The following SLC6A11 variants were observed in gnomAD, a reference collection of about 807,000 sequenced individuals.
SLC6A11 encodes sodium- and chloride-dependent GABA transporter 3.
In SLC6A11, 25 loss-of-function variants were observed where a neutral mutation model predicts 74.8. The ratio of observed to expected loss-of-function variants is 0.33; its 90% CI spans 0.24 to 0.47. The LOEUF (loss-of-function observed/expected upper bound fraction) is 0.47, where lower values mean the gene tolerates loss of function less well. Ranked by LOEUF, SLC6A11 falls within the 20% of genes least tolerant of loss-of-function variation. The pLI, the probability that SLC6A11 is intolerant of heterozygous loss-of-function variation, is 1.00. For missense variants in SLC6A11, 574 were observed against 837.0 expected, an observed-to-expected ratio of 0.69 and a Z score of 3.88; for synonymous variants, 330 against 330.2, an observed-to-expected ratio of 1.00 and a Z score of 0.01.
chr3:10,881,013 C>T (rs568061114), intron 6 of SLC6A11, among the ~76,000 whole-genome samples: 1 of 152,258 alleles, frequency 6.6e-6, no homozygotes, highest in Admixed American at 6.5e-5. Flanking sequence ...AGAAGTTCTC[C>T]TCCATTCTTA....
At position 10,940,585 on chromosome 3, in the gene SLC6A11, G is replaced by A; in HGVS notation, c.*2183G>A. On this transcript the variant is annotated 3_prime_UTR_variant, in exon 14 of 14. Coordinates refer to ENST00000254488, the MANE Select transcript of SLC6A11 (RefSeq NM_014229.3). ...ATTAGAAACAATACATCCTTTCTGA[G>A]ATATTTACAGTATTATTAAAAAATG... 6.6e-6 allele frequency: 1 copy of A among 152,168 alleles called. No homozygotes were observed. Among genetic ancestry groups the A allele is most frequent in the South Asian group, 2.1e-4 (1 of 4,812 alleles). 9.4% of individuals were successfully genotyped at this position (152,168 alleles called of 1,614,324 possible).
At chr3:10,912,790 G>A (rs1254614378) in intron 7 of SLC6A11, among the ~76,000 whole-genome samples, 4 of 152,152 alleles carry the variant, frequency 2.6e-5, no homozygotes, top group African/African-American at 9.7e-5. Flanking sequence ...TGGAGGGCAG[G>A]GGACCTGCCC....
chr3:10,897,937 G>A (rs1443427555), intron 6 of SLC6A11, among the ~76,000 whole-genome samples: 1 of 152,212 alleles, frequency 6.6e-6, no homozygotes, highest in African/African-American at 2.4e-5. Flanking sequence ...CTGAAATCTA[G>A]GCAGAGGTTC....
intron 5 of SLC6A11, among the ~76,000 whole-genome samples, chr3:10,852,031 A>G (rs1414715604): frequency 2.0e-5 from 3 of 152,258 alleles, no homozygotes; most frequent in African/African-American, 7.2e-5. Flanking sequence ...TGAGGCATAA[A>G]GCAGGAGTAG....
chr3:10,829,022 C>T (rs1174930036), intron 4 of SLC6A11, among the ~76,000 whole-genome samples: 1 of 152,140 alleles, frequency 6.6e-6, no homozygotes. Context: ...AGCTCAGTGT[C>T]CACATCTGTA....
rs139171232 is a variant in SLC6A11 at position 10,863,060 on chromosome 3, C to T, written c.757-11901C>T. Among the ~76,000 whole-genome samples the T allele has an allele frequency of 2.8e-3, 425 of 152,296 alleles. 1 individual carries two copies. The highest frequency in any genetic ancestry group is 9.4e-3 in the African/African-American group (392 of 41,566). ...CCTGTTATGTTCTGTTTGTTCTTAC[C>T]GTGTTATTGAGGTCTGAATTTATTC... On this transcript the variant is annotated intron_variant, in intron 5 of 13. Transcript: ENST00000254488.
chr3:10,870,164 A>G (rs1171426388), intron 5 of SLC6A11, among the ~76,000 whole-genome samples: 1 of 151,892 alleles, frequency 6.6e-6, no homozygotes, highest in East Asian at 1.9e-4. Context: ...CTTCCCGGAG[A>G]CCCTGGAAGC....
intron 6 of SLC6A11, among the ~76,000 whole-genome samples, chr3:10,881,602 C>T (rs1384278366): frequency 6.6e-6 from 1 of 152,190 alleles, no homozygotes; most frequent in Admixed American, 6.5e-5. Flanking sequence ...AGCCTGCCAT[C>T]GTGCTCCAGT....
At chr3:10,886,666 G>A (rs2581213) in intron 6 of SLC6A11, among the ~76,000 whole-genome samples, 28,583 of 152,096 alleles carry the variant, frequency 0.19, 3,374 homozygotes, top group Middle Eastern at 0.29. Flanking sequence ...AATTAGCCAG[G>A]CATGATGGCA....
At chr3:10,920,906 G>T (rs899851834) in intron 8 of SLC6A11, among the ~76,000 whole-genome samples, 2 of 152,156 alleles carry the variant, frequency 1.3e-5, no homozygotes, top group East Asian at 1.9e-4. Flanking sequence ...CCCTCTTTAG[G>T]AGTCTGCCAA....
intron 6 of SLC6A11, among the ~76,000 whole-genome samples, chr3:10,898,096 C>T (rs1309760977): frequency 6.6e-6 from 1 of 152,166 alleles, no homozygotes; most frequent in Non-Finnish European, 1.5e-5. Flanking sequence ...ACACAAGGCA[C>T]CATGTCCCCA....
At position 10,912,152 on chromosome 3, in the gene SLC6A11, C is replaced by G. The variant is rs150925925; in HGVS notation, c.954C>G (p.Thr318=). 204 of 1,613,638 alleles carry G rather than the reference C, an allele frequency of 1.3e-4. No individual in the cohort carries two copies. The highest frequency in any genetic ancestry group is 2.6e-5 in the Non-Finnish European group (31 of 1,179,700). Residue 318 remains threonine, a synonymous_variant, in exon 7 of 14, where the codon ACC becomes ACG. Coordinates refer to ENST00000254488, the MANE Select transcript of SLC6A11 (RefSeq NM_014229.3). ...FSYAICLGCL[T]ALGSYNNYNN... ...ATGCCATTTGCCTGGGCTGTCTGACCGCTCTGGGAAGTTATAACAATTATA... is the reference window on the plus strand; with the variant it reads ...ATGCCATTTGCCTGGGCTGTCTGACGGCTCTGGGAAGTTATAACAATTATA...
At chr3:10,912,829 T>A (rs1296695885) in intron 7 of SLC6A11, among the ~76,000 whole-genome samples, 1 of 152,012 alleles carries the variant, frequency 6.6e-6, no homozygotes, top group Non-Finnish European at 1.5e-5. Flanking sequence ...GTGGTGGAAG[T>A]GCTGATCTAG....
intron 5 of SLC6A11, among the ~76,000 whole-genome samples, chr3:10,861,414 G>A (rs1328033947): frequency 6.6e-6 from 1 of 152,156 alleles, no homozygotes; most frequent in Non-Finnish European, 1.5e-5. Flanking sequence ...CTACTTTGGA[G>A]GCTGAGGTGG....
chr3:10,907,501 C>G (rs1409302980), intron 6 of SLC6A11, among the ~76,000 whole-genome samples: 1 of 152,066 alleles, frequency 6.6e-6, no homozygotes, highest in Admixed American at 6.5e-5. Context: ...TCTTTTTTCT[C>G]CTGAAAGAGA....
In SLC6A11 at chr3:10,880,576, G is replaced by A. The variant is rs115086546; in HGVS notation, c.891+5481G>A. ...GGGGAGGAAGAGAAGCCTGCGGGGAGTCAGAGGGCTGAGCCTCAGGCTGAG... is the reference window on the plus strand; with the variant it reads ...GGGGAGGAAGAGAAGCCTGCGGGGAATCAGAGGGCTGAGCCTCAGGCTGAG... On this transcript the variant is annotated intron_variant, in intron 6 of 13. Coordinates refer to ENST00000254488, the MANE Select transcript of SLC6A11 (RefSeq NM_014229.3). Among the ~76,000 whole-genome samples, 254 of 152,318 alleles carry A rather than the reference G, an allele frequency of 1.7e-3. 2 individuals are homozygous for A. Among genetic ancestry groups the A allele is most frequent in the African/African-American group, 5.9e-3 (246 of 41,578 alleles).
In SLC6A11 at chr3:10,930,328, TC is replaced by T. The variant is rs200343589; in HGVS notation, c.1371+994del. Among the ~76,000 whole-genome samples, 36 of 152,150 alleles carry T rather than the reference TC, an allele frequency of 2.4e-4. No homozygotes were observed. The East Asian group carries it at 6.8e-3, about 29-fold the overall frequency. On this transcript the variant is annotated intron_variant, in intron 10 of 13. Transcript: ENST00000254488. ...TCTATGGTCCACCTGTTCACCTGTC[TC>T]CCCCACCAGACCTCAGGGGCCGTGA... is the stretch of plus-strand genomic sequence containing the variant.
chr3:10,923,870 C>CT (rs34653825), intron 8 of SLC6A11, among the ~76,000 whole-genome samples: 149,449 of 152,296 alleles, frequency 0.98, 73,349 homozygotes, highest in East Asian at 1. Context: ...CATGTACCCC[C>CT]GATATAATAC....
chr3:10,878,752 AG>A (rs1694941527), intron 6 of SLC6A11, among the ~76,000 whole-genome samples: 1 of 152,050 alleles, frequency 6.6e-6, no homozygotes, highest in Non-Finnish European at 1.5e-5. Flanking sequence ...TCACTTTCTC[AG>A]GCAAGTCTTT....
Sources: gnomAD v4.1 joint callset for allele counts (sites outside exome capture counted in the v4.1 genomes callset) on GRCh38, gnomAD v4.1.1 for gene constraint, MANE v1.5 for transcripts, NCBI Gene and HGNC (gene_info 2026-07-23, HGNC 2026-07-21) for gene names.